The following SLC22A9 variants were observed in gnomAD, a reference collection of about 807,000 sequenced individuals.
The protein encoded by SLC22A9 is solute carrier family 22 member 9, also known as organic anion transporter 7.
SLC22A9 carries 64 observed loss-of-function variants against 50.1 expected under a neutral mutation model. The ratio of observed to expected loss-of-function variants is 1.28; its 90% confidence interval spans 1.04 to 1.57. The LOEUF (loss-of-function observed/expected upper bound fraction) is 1.57. Among genes scored for constraint, SLC22A9 ranks in the 40% most tolerant of loss-of-function variants. SLC22A9 has a pLI of 0.00. For synonymous variants in SLC22A9, 261 were observed against 242.5 expected, an observed-to-expected ratio of 1.08 and a Z score of -0.71; for missense variants, 757 against 676.1, an observed-to-expected ratio of 1.12 and a Z score of -1.33.
intron 6 of SLC22A9, among the ~76,000 whole-genome samples, chr11:63,385,476 T>C (rs1320718008): frequency 1.3e-5 from 2 of 152,118 alleles, no homozygotes; most frequent in Non-Finnish European, 2.9e-5. Flanking sequence ...CCTTGAGCAG[T>C]GGTTTGTAGT....
chr11:63,404,565 C>T (rs1032223143), intron 6 of SLC22A9, among the ~76,000 whole-genome samples: 1 of 152,042 alleles, frequency 6.6e-6, no homozygotes, highest in Non-Finnish European at 1.5e-5. Flanking sequence ...TGAGAGCCCC[C>T]AACTAAATTT....
intron 6 of SLC22A9, among the ~76,000 whole-genome samples, chr11:63,398,179 T>C (rs2014892654): frequency 6.6e-6 from 1 of 152,182 alleles, no homozygotes; most frequent in Non-Finnish European, 1.5e-5. Flanking sequence ...GGAGATGTCA[T>C]CTGGGAGCTA....
At chr11:63,390,997 C>T (rs185211152) in intron 6 of SLC22A9, among the ~76,000 whole-genome samples, 4 of 151,926 alleles carry the variant, frequency 2.6e-5, no homozygotes, top group South Asian at 2.1e-4. Flanking sequence ...TGCTGTATCC[C>T]GTAGGTTTTG....
intron 8 of SLC22A9, among the ~76,000 whole-genome samples, 155 bp from the exon 9 acceptor site, chr11:63,408,521 T>C (rs2015079377): frequency 6.6e-6 from 1 of 152,192 alleles, no homozygotes; most frequent in African/African-American, 2.4e-5. Context: ...GAAAAATTAA[T>C]TGCTAGCAAA....
chr11:63,388,295 C>T (rs887307241), intron 6 of SLC22A9, among the ~76,000 whole-genome samples: 4 of 151,564 alleles, frequency 2.6e-5, no homozygotes, highest in Non-Finnish European at 4.4e-5. Context: ...ATGATACCAG[C>T]TATGAGTCTG....
At chr11:63,381,043 T>A (rs1042856066) in intron 5 of SLC22A9, among the ~76,000 whole-genome samples, 1 of 152,184 alleles carries the variant, frequency 6.6e-6, no homozygotes, top group African/African-American at 2.4e-5. Context: ...ATACCTAATG[T>A]TGCCTAAATT....
At chr11:63,382,032 G>C (rs113712774) in intron 5 of SLC22A9, 127 bp from the exon 6 acceptor site, 26,299 of 653,086 alleles carry the variant, frequency 0.04, 665 homozygotes, top group Non-Finnish European at 0.056. Flanking sequence ...TGCATTTTAA[G>C]GCTTATATTT....
chr11:63,382,109 CT>C, intron 5 of SLC22A9, 49 bp from the exon 6 acceptor site: 1 of 1,448,008 alleles, frequency 6.9e-7, no homozygotes, highest in Non-Finnish European at 9.5e-7. Context: ...CCTACAGTGC[CT>C]ACTCTTTTCT....
rs1392427185 is a variant in SLC22A9 at position 63,408,683 on chromosome 11, G to T, written c.1405G>T (p.Ala469Ser). 6.2e-7 allele frequency: 1 copy of T among 1,613,286 alleles called. No individual in the cohort carries two copies. Among genetic ancestry groups the T allele is most frequent in the South Asian group, 1.1e-5 (1 of 91,078 alleles). The change falls in exon 9 of 10, where the codon GCT becomes TCT. Residue 469 changes from alanine (A) to serine (S), a missense_variant. Ala to Ser is a moderately conservative substitution (Grantham distance 99). Coordinates refer to ENST00000279178, the MANE Select transcript of SLC22A9 (RefSeq NM_080866.3). The part of the protein sequence containing the change: ...EVIPTIIRAR[A>S]MGINATFANI... ...TGCTGTTTCCACTCAAAGGGCAAGA[G>T]CTATGGGGATCAATGCAACCTTTGC... is the stretch of plus-strand genomic sequence containing the variant.
intron 6 of SLC22A9, among the ~76,000 whole-genome samples, chr11:63,393,695 G>T (rs1043730001): frequency 6.6e-6 from 1 of 151,962 alleles, no homozygotes; most frequent in African/African-American, 2.4e-5. Flanking sequence ...TCCCTTTGTG[G>T]GTAACCCGAA....
chr11:63,374,144 T>C (rs1197010781), intron 4 of SLC22A9, 82 bp downstream of exon 4: 5 of 1,347,264 alleles, frequency 3.7e-6, no homozygotes, highest in Non-Finnish European at 5.0e-6. Flanking sequence ...AATTTCTTTT[T>C]GTTCTTTGTG....
chr11:63,406,229 C>A (rs1385848496), intron 6 of SLC22A9, among the ~76,000 whole-genome samples: 4 of 152,176 alleles, frequency 2.6e-5, no homozygotes, highest in Non-Finnish European at 5.9e-5. Context: ...CTTCATAAGA[C>A]ACAGTCTGTA....
chr11:63,388,511 G>C (rs2014707664), intron 6 of SLC22A9, among the ~76,000 whole-genome samples: 1 of 151,980 alleles, frequency 6.6e-6, no homozygotes, highest in Non-Finnish European at 1.5e-5. Flanking sequence ...CCTTGCATCT[G>C]TGGGATAAAT....
In SLC22A9 at chr11:63,370,265, A is replaced by G. The variant is rs760977950; in HGVS notation, c.209A>G (p.Asp70Gly). 2 of 1,614,018 alleles carry G rather than the reference A, an allele frequency of 1.2e-6. No homozygotes were observed. Among genetic ancestry groups the G allele is most frequent in the Non-Finnish European group, 1.7e-6 (2 of 1,179,916 alleles). ...AATGACACTGGGGCCCTCAGCCAAG[A>G]TGCACTCTTGAGAATCTCCATCCCA... ...SDNDTGALSQ[D>G]ALLRISIPLD... Residue 70 changes from aspartate to glycine, a missense_variant, in exon 1 of 10, where the codon GAT becomes GGT. Asp to Gly is a moderately conservative substitution (Grantham distance 94). Coordinates refer to ENST00000279178, the MANE Select transcript of SLC22A9 (RefSeq NM_080866.3).
intron 5 of SLC22A9, among the ~76,000 whole-genome samples, chr11:63,377,361 G>A (rs768732324): frequency 6.6e-6 from 1 of 151,630 alleles, no homozygotes; most frequent in Non-Finnish European, 1.5e-5. Flanking sequence ...CCACACTCCT[G>A]GACCACAACA....
rs139037215 is a variant in SLC22A9 at position 63,398,855 on chromosome 11, T to C, written c.1074-7642T>C. Among the ~76,000 whole-genome samples, 18 of 152,342 alleles carry C rather than the reference T, an allele frequency of 1.2e-4. No individual in the cohort carries two copies. In the East Asian group the frequency reaches 3.3e-3, roughly 28 times the overall value. On this transcript the variant is annotated intron_variant, in intron 6 of 9. Coordinates refer to ENST00000279178, the MANE Select transcript of SLC22A9 (RefSeq NM_080866.3). ...GTGTGTCGATAATTGTTAAATTTTC[T>C]GTTTCTGTGGGAAAGATGACCTTAG...
chr11:63,380,951 G>C (rs761991983), intron 5 of SLC22A9, among the ~76,000 whole-genome samples: 4 of 152,214 alleles, frequency 2.6e-5, no homozygotes, highest in Admixed American at 6.5e-5. Context: ...GATCCCATCA[G>C]TTTCCCAGGG....
Position 63,371,244 on chromosome 11 carries a change from T to A in SLC22A9, c.506+6T>A. On this transcript the variant is annotated splice_donor_region_variant and intron_variant, in intron 2 of 9. Coordinates refer to ENST00000279178, the MANE Select transcript of SLC22A9 (RefSeq NM_080866.3). ...GGCGGTCATTTATCAGACAGGTGAGTGTGTATGGAACACAGCTCTCTTTAA... is the reference window on the plus strand; with the variant it reads ...GGCGGTCATTTATCAGACAGGTGAGAGTGTATGGAACACAGCTCTCTTTAA... The A allele has an allele frequency of 6.2e-7, 1 of 1,601,478 alleles. No individual in the cohort carries two copies. The highest frequency in any genetic ancestry group is 8.6e-7 in the Non-Finnish European group (1 of 1,168,964).
intron 6 of SLC22A9, among the ~76,000 whole-genome samples, chr11:63,402,667 A>G (rs2014970896): frequency 6.6e-6 from 1 of 152,186 alleles, no homozygotes; most frequent in African/African-American, 2.4e-5. Flanking sequence ...AAGTTGAAAA[A>G]AAAAAAGGTT....
Sources: gnomAD v4.1 joint callset for allele counts (sites outside exome capture counted in the v4.1 genomes callset) on GRCh38, gnomAD v4.1.1 for gene constraint, MANE v1.5 for transcripts, NCBI Gene and HGNC (gene_info 2026-07-23, HGNC 2026-07-21) for gene names.